Variants in GALNT1 observed in about 807,000 individuals in gnomAD.
The protein encoded by GALNT1 is polypeptide N-acetylgalactosaminyltransferase 1.
GALNT1 carries 17 observed loss-of-function variants against 65.7 expected under a neutral mutation model. That is an observed-to-expected ratio of 0.26 (90% confidence interval 0.18 to 0.39). The LOEUF is 0.39. Ranked by LOEUF, GALNT1 falls within the 10% of genes least tolerant of loss-of-function variation. GALNT1 has a pLI of 1.00. For missense variants in GALNT1, 460 were observed against 672.8 expected, an observed-to-expected ratio of 0.68 and a Z score of 3.50; for synonymous variants, 210 against 219.7, an observed-to-expected ratio of 0.96 and a Z score of 0.39.
At chr18:35,621,894 A>G (rs753168358) in intron 1 of GALNT1, among the ~76,000 whole-genome samples, 2 of 152,190 alleles carry the variant, frequency 1.3e-5, no homozygotes, top group Non-Finnish European at 2.9e-5. Context: ...TTGCATATTC[A>G]TGTGGGTCTG....
At chr18:35,613,508 G>A (rs1409210276) in intron 1 of GALNT1, among the ~76,000 whole-genome samples, 1 of 152,162 alleles carries the variant, frequency 6.6e-6, no homozygotes, top group Non-Finnish European at 1.5e-5. Flanking sequence ...AGGTAAGTTA[G>A]TAGTGATACT....
intron 2 of GALNT1, among the ~76,000 whole-genome samples, chr18:35,659,523 G>A (rs2047446382): frequency 6.6e-6 from 1 of 152,094 alleles, no homozygotes; most frequent in Non-Finnish European, 1.5e-5. Flanking sequence ...TTATGGCCTA[G>A]GAATATTTTT....
intron 2 of GALNT1, among the ~76,000 whole-genome samples, chr18:35,657,971 C>T (rs556902723): frequency 2.0e-5 from 3 of 152,298 alleles, no homozygotes; most frequent in African/African-American, 7.2e-5. Flanking sequence ...AACAAATTCT[C>T]AGCAGATGAG....
chr18:35,681,554 T>C (rs1462925476), intron 4 of GALNT1, among the ~76,000 whole-genome samples: 1 of 151,974 alleles, frequency 6.6e-6, no homozygotes, highest in African/African-American at 2.4e-5. Context: ...GACTTGGGGA[T>C]TAGATTGCTT....
Position 35,691,138 on chromosome 18 carries a change from C to T in GALNT1, c.1105C>T (p.Leu369Phe). ...GQIINKNNRR[L>F]AEVWMDEFKN... Reference sequence around the variant, plus strand: ...GATTATCAATAAAAATAACAGACGACTTGCAGAAGTGTGGATGGATGAATT... The same window carrying T: ...GATTATCAATAAAAATAACAGACGATTTGCAGAAGTGTGGATGGATGAATT... Residue 369 changes from leucine (L) to phenylalanine (F), a missense_variant, in exon 8 of 12, where the codon CTT (leucine) becomes TTT (phenylalanine). By Grantham distance (22) the Leu-to-Phe change is conservative. Coordinates refer to ENST00000269195, the MANE Select transcript of GALNT1 (RefSeq NM_020474.4). 1 of 1,612,494 alleles carries T rather than the reference C, an allele frequency of 6.2e-7. No individual in the cohort carries two copies. The highest frequency in any genetic ancestry group is 8.5e-7 in the Non-Finnish European group (1 of 1,179,362).
At chr18:35,587,487 A>T (rs571734836) in intron 1 of GALNT1, among the ~76,000 whole-genome samples, 1 of 152,280 alleles carries the variant, frequency 6.6e-6, no homozygotes, top group Admixed American at 6.5e-5. Flanking sequence ...TAGGATTTTC[A>T]TGGATGCTGT....
rs201005166 is a variant in GALNT1, at chr18:35,632,694, A to G, written c.-103-21866A>G. Among the ~76,000 whole-genome samples, 1,078 of 152,348 alleles carry G rather than the reference A, an allele frequency of 7.1e-3. 37 individuals are homozygous for G. Among genetic ancestry groups the G allele is most frequent in the Admixed American group, 0.051 (787 of 15,310 alleles). On this transcript the variant is annotated intron_variant, in intron 1 of 11. Coordinates refer to ENST00000269195, the MANE Select transcript of GALNT1 (RefSeq NM_020474.4). ...GCAATGGCAACAAAAGACAAAATTG[A>G]CAAATGGGATCTCATTAAACTAAAG...
intron 1 of GALNT1, among the ~76,000 whole-genome samples, chr18:35,631,543 C>G (rs2047010209): frequency 1.3e-5 from 2 of 152,044 alleles, no homozygotes; most frequent in East Asian, 1.9e-4. Context: ...ATTAGGTATT[C>G]ATGGGACATA....
chr18:35,641,887 T>C (rs182948235), intron 1 of GALNT1, among the ~76,000 whole-genome samples: 12 of 152,328 alleles, frequency 7.9e-5, no homozygotes, highest in African/African-American at 2.9e-4. Flanking sequence ...GAATGGTTTT[T>C]AACATTTTTA....
chr18:35,676,032 GTA>G (rs2144560132), intron 3 of GALNT1, among the ~76,000 whole-genome samples: 1 of 152,298 alleles, frequency 6.6e-6, no homozygotes, highest in African/African-American at 2.4e-5. Context: ...ATTTTCAGAA[GTA>G]TTATTAGGAC....
At chr18:35,683,347 C>A in intron 4 of GALNT1, 44 bp from the exon 5 acceptor site, 2 of 1,489,402 alleles carry the variant, frequency 1.3e-6, no homozygotes, top group Non-Finnish European at 1.9e-6. Context: ...CTGAATAGTG[C>A]CAGGCCACAC....
At chr18:35,690,373 TA>T (rs1323558586) in intron 7 of GALNT1, among the ~76,000 whole-genome samples, 1 of 152,212 alleles carries the variant, frequency 6.6e-6, no homozygotes, top group African/African-American at 2.4e-5. Context: ...TCTGGCTGGT[TA>T]CTCCATGGTC....
rs753504984 is a variant in GALNT1, at chr18:35,677,698, A to G, written c.422A>G (p.Asn141Ser). ...CTGCGAACTGTCCATAGTGTCATTA[A>G]TCGCTCACCAAGACACATGATAGAA... ...TLLRTVHSVI[N>S]RSPRHMIEEI... Residue 141 changes from asparagine to serine, a missense_variant, in exon 4 of 12, where the codon AAT (asparagine) becomes AGT (serine). Coordinates refer to ENST00000269195, the MANE Select transcript of GALNT1 (RefSeq NM_020474.4). The G allele has an allele frequency of 6.2e-7, 1 of 1,613,130 alleles. No individual in the cohort carries two copies. Among genetic ancestry groups the G allele is most frequent in the Admixed American group, 1.7e-5 (1 of 59,960 alleles).
At chr18:35,655,419 T>C (rs1568025231) in intron 2 of GALNT1, among the ~76,000 whole-genome samples, 2 of 151,664 alleles carry the variant, frequency 1.3e-5, no homozygotes, top group Non-Finnish European at 2.9e-5. Context: ...AGTACTGATA[T>C]TTTTGGCAGA....
At position 35,666,717 on chromosome 18, in the gene GALNT1, A is replaced by G. The variant is rs1778537327; in HGVS notation, c.314+2915A>G. Reference sequence around the variant, plus strand: ...ATTGAACAGCTTTATGATATTAGGAATAGTGTTGAAATGGTGTGATACAAA... The same window carrying G: ...ATTGAACAGCTTTATGATATTAGGAGTAGTGTTGAAATGGTGTGATACAAA... On this transcript the variant is annotated intron_variant, in intron 3 of 11. Coordinates refer to ENST00000269195, the MANE Select transcript of GALNT1 (RefSeq NM_020474.4). Among the ~76,000 whole-genome samples the G allele has an allele frequency of 2.0e-5, 3 of 152,330 alleles. No individual in the cohort carries two copies. In the South Asian group the frequency reaches 6.2e-4, roughly 32 times the overall value.
At chr18:35,643,888 G>A (rs551313270) in intron 1 of GALNT1, among the ~76,000 whole-genome samples, 9 of 151,816 alleles carry the variant, frequency 5.9e-5, no homozygotes, top group Admixed American at 5.9e-4. Flanking sequence ...ATGCAAATTT[G>A]TAGGGAGTTT....
At chr18:35,683,092 G>C (rs1286937983) in intron 4 of GALNT1, among the ~76,000 whole-genome samples, 1 of 150,512 alleles carries the variant, frequency 6.6e-6, no homozygotes, top group African/African-American at 2.4e-5. Flanking sequence ...AGCATGATTA[G>C]AGAAAGAATT....
rs778731854 is a variant in GALNT1 at position 35,654,675 on chromosome 18, G to A, written c.13G>A (p.Ala5Thr). 2.6e-5 allele frequency: 37 copies of A among 1,425,638 alleles called. No individual in the cohort carries two copies. The Middle Eastern group carries it at 5.6e-4, about 21-fold the overall frequency. 88.3% of individuals were successfully genotyped at this position (1,425,638 alleles called of 1,614,324 possible). A position where few individuals can be genotyped will look rare whatever the true frequency, so the allele number is the denominator to read the frequency against. MRKF[A>T]YCKVVLATSL... ...GACTTAAAGTGCCATGAGAAAATTT[G>A]CATACTGCAAGGTGGTCCTAGCCAC... is the stretch of plus-strand genomic sequence containing the variant. Residue 5 changes from alanine to threonine, a missense_variant, in exon 2 of 12, where the codon GCA becomes ACA. Ala to Thr is a moderately conservative substitution (Grantham distance 58). Coordinates refer to ENST00000269195, the MANE Select transcript of GALNT1 (RefSeq NM_020474.4).
intron 1 of GALNT1, among the ~76,000 whole-genome samples, chr18:35,606,166 A>G (rs2046644647): frequency 6.6e-6 from 1 of 152,196 alleles, no homozygotes; most frequent in Non-Finnish European, 1.5e-5. Context: ...GCACCATTGT[A>G]GAAGGAAAGA....
Sources: allele counts gnomAD v4.1 joint callset (sites outside exome capture counted in the v4.1 genomes callset), GRCh38; gene constraint gnomAD v4.1.1; transcripts MANE v1.5; gene names NCBI Gene and HGNC (gene_info 2026-07-23, HGNC 2026-07-21).